Variants in TUBE1 observed in about 807,000 individuals in gnomAD.
TUBE1 encodes tubulin epsilon chain.
In TUBE1, 34 loss-of-function variants were observed where a neutral mutation model predicts 53.5. The observed-to-expected ratio is 0.64, with a 90% confidence interval of 0.48 to 0.85. The LOEUF (loss-of-function observed/expected upper bound fraction) is 0.85. Ranked by LOEUF, TUBE1 falls within the 40% of genes least tolerant of loss-of-function variation. The pLI, the probability that TUBE1 is intolerant of heterozygous loss-of-function variation, is 0.00. For missense variants in TUBE1, 532 were observed against 570.5 expected (o/e 0.93, Z 0.69); for synonymous variants, 177 against 198.4 (o/e 0.89, Z 0.91).
In TUBE1 at chr6:112,076,136, G is replaced by A. The variant is rs781940708; in HGVS notation, c.637-24C>T. 1.2e-5 allele frequency: 19 copies of A among 1,599,062 alleles called. No homozygotes were observed. The South Asian group carries it at 2.0e-4, about 17-fold the overall frequency. On this transcript the variant is annotated intron_variant, in intron 7 of 11. Coordinates refer to ENST00000368662, the MANE Select transcript of TUBE1 (RefSeq NM_016262.5). ...GACTTTTGAGGGAAAAACATTGGGA[G>A]AGAAGCTATTAAGAAGAGTGGATGT...
intron 9 of TUBE1, among the ~76,000 whole-genome samples, chr6:112,073,217 G>A (rs1293677667): frequency 6.6e-6 from 1 of 151,950 alleles, no homozygotes; most frequent in South Asian, 2.1e-4. Context: ...TTTGAAACTT[G>A]TATTATTATT....
chr6:112,086,501 C>G, intron 3 of TUBE1, 55 bp downstream of exon 3: 1 of 1,373,330 alleles, frequency 7.3e-7, no homozygotes, highest in Non-Finnish European at 1.0e-6. Context: ...GAATTCTCTC[C>G]CAAGCTACTG....
rs1331581294 is a variant in TUBE1, at chr6:112,075,997, T to C, written c.752A>G (p.His251Arg). The C allele has an allele frequency of 3.1e-6, 5 of 1,613,876 alleles. No individual in the cohort carries two copies. The African/African-American group carries it at 5.3e-5, about 17-fold the overall frequency. The change falls in exon 8 of 12, where the codon CAT (histidine) becomes CGT (arginine). Residue 251 changes from histidine (H) to arginine (R), a missense_variant. Physicochemically the swap from His to Arg is conservative, Grantham distance 29. Transcript: ENST00000368662. ...ATTCATTGCATCAAAGGGCTTCTTA[T>C]GCTGCTTTTTTAAAGCCCCAGAACT... Reference protein sequence around the residue: ...TSSSGALKKQHKKPFDAMNNI... With the variant: ...TSSSGALKKQRKKPFDAMNNI...
chr6:112,082,614 T>C (rs1353813610), intron 4 of TUBE1, among the ~76,000 whole-genome samples: 1 of 152,202 alleles, frequency 6.6e-6, no homozygotes, highest in Non-Finnish European at 1.5e-5. Flanking sequence ...TCCTGACATA[T>C]AACTCTTCCA....
chr6:112,085,492 T>C (rs1777134327), intron 3 of TUBE1: 1 of 341,248 alleles, frequency 2.9e-6, no homozygotes, highest in Admixed American at 3.8e-5. Context: ...AGTAAAGAGG[T>C]GGGTGTAGGA....
chr6:112,074,930 G>A, intron 8 of TUBE1, 80 bp from the exon 9 acceptor site: 2 of 1,028,036 alleles, frequency 1.9e-6, no homozygotes, highest in Non-Finnish European at 2.7e-6. Flanking sequence ...TATTCAGCAG[G>A]TAGTTTCTTA....
intron 8 of TUBE1, chr6:112,075,359 T>A (rs921629539): frequency 2.6e-5 from 4 of 152,280 alleles, no homozygotes; most frequent in Admixed American, 1.3e-4. Context: ...GGCCCTACAG[T>A]CATTCTTTCT....
intron 7 of TUBE1, 85 bp downstream of exon 7, chr6:112,076,237 G>C: frequency 3.4e-6 from 5 of 1,467,850 alleles, no homozygotes; most frequent in Non-Finnish European, 4.6e-6. Flanking sequence ...GAAAAGTGAA[G>C]AGAACGTTTC....
At chr6:112,077,629 T>A (rs1554316251) in intron 6 of TUBE1, 1 of 152,148 alleles carries the variant, frequency 6.6e-6, no homozygotes, top group East Asian at 1.9e-4. Flanking sequence ...ACCAATGTTC[T>A]AATCCATGCA....
chr6:112,081,753 AC>A (rs1252770439), intron 4 of TUBE1, among the ~76,000 whole-genome samples: 1 of 151,800 alleles, frequency 6.6e-6, no homozygotes, highest in Non-Finnish European at 1.5e-5. Flanking sequence ...CAGAAAACAT[AC>A]ACTCCTAAGA....
chr6:112,083,425 T>C (rs1157796211), intron 4 of TUBE1, among the ~76,000 whole-genome samples: 2 of 151,784 alleles, frequency 1.3e-5, no homozygotes, highest in African/African-American at 4.8e-5. Context: ...TTCACGCCAT[T>C]TTCCTGCCTC....
chr6:112,081,951 A>T (rs587663148), intron 4 of TUBE1, among the ~76,000 whole-genome samples: 2 of 152,194 alleles, frequency 1.3e-5, no homozygotes, highest in South Asian at 2.1e-4. Context: ...AAAGTAAACT[A>T]AGTAGAGTTA....
chr6:112,072,285 A>G (rs1776882353), intron 10 of TUBE1, among the ~76,000 whole-genome samples: 1 of 152,168 alleles, frequency 6.6e-6, no homozygotes. Context: ...GTAGGGGAAC[A>G]TTAAATTGGC....
chr6:112,087,193 T>C (rs1777176306), intron 2 of TUBE1, 40 bp downstream of exon 2: 3 of 1,536,976 alleles, frequency 2.0e-6, no homozygotes, highest in Non-Finnish European at 2.6e-6. Context: ...CTGGAAGACC[T>C]AGCTGACAGG....
At chr6:112,086,938 G>A (rs1035895797) in intron 2 of TUBE1, 4 of 505,272 alleles carry the variant, frequency 7.9e-6, no homozygotes, top group Non-Finnish European at 1.4e-5. Context: ...AACCACACGT[G>A]TTATCTATTT....
At position 112,070,783 on chromosome 6, in the gene TUBE1, AAT is replaced by A. The variant is rs1776842155; in HGVS notation, c.*627_*628del. On this transcript the variant is annotated 3_prime_UTR_variant, in exon 12 of 12. Transcript: ENST00000368662. The stretch of plus-strand genomic sequence containing the variant: ...ACAATAACAAGTAGCACTGTTGAAA[AAT>A]ATAGACATTTATTATAAAATCAATT... The A allele has an allele frequency of 6.6e-6, 1 of 152,202 alleles. No homozygotes were observed. Among genetic ancestry groups the A allele is most frequent in the African/African-American group, 2.4e-5 (1 of 41,456 alleles). The allele number at this position is 152,202 out of a possible 1,614,324, so 9.4% of individuals were successfully genotyped here. A position where few individuals can be genotyped will look rare whatever the true frequency, so the allele number is the denominator to read the frequency against.
At position 112,075,922 on chromosome 6, in the gene TUBE1, C is replaced by G. The variant is rs1776956817; in HGVS notation, c.812+15G>C. On this transcript the variant is annotated intron_variant, in intron 8 of 11. Coordinates refer to ENST00000368662, the MANE Select transcript of TUBE1 (RefSeq NM_016262.5). ...AGCACAATAAAGTTTTTTGACTATC[C>G]CTGGATAGAATTACCTCGTTAGGTT... The G allele has an allele frequency of 6.3e-7, 1 of 1,583,316 alleles. No individual in the cohort carries two copies. Among genetic ancestry groups the G allele is most frequent in the African/African-American group, 1.4e-5 (1 of 73,872 alleles).
At chr6:112,079,503 C>A in intron 6 of TUBE1, 130 bp downstream of exon 6, 2 of 794,396 alleles carry the variant, frequency 2.5e-6, no homozygotes, top group Non-Finnish European at 3.8e-6. Flanking sequence ...TGTTTATATA[C>A]TCAAACTACA....
chr6:112,076,439 A>C lies in TUBE1; in HGVS notation c.519T>G (p.Phe173Leu). The change falls in exon 7 of 12, where the codon TTT (phenylalanine) becomes TTG (leucine). Residue 173 changes from phenylalanine (F) to leucine (L), a missense_variant. Transcript: ENST00000368662. The stretch of plus-strand genomic sequence containing the variant: ...CACCAGAAGGATAAATGGAAGTCAC[A>C]AATCTGTATACTTCTGGGAATTCGT... The part of the protein sequence containing the change: ...LEDEFPEVYR[F>L]VTSIYPSGED... 6.2e-7 allele frequency: 1 copy of C among 1,613,698 alleles called. No individual in the cohort carries two copies. The highest frequency in any genetic ancestry group is 8.5e-7 in the Non-Finnish European group (1 of 1,179,778).
Sources: allele counts gnomAD v4.1 joint callset (sites outside exome capture counted in the v4.1 genomes callset), GRCh38; gene constraint gnomAD v4.1.1; transcripts MANE v1.5; gene names NCBI Gene and HGNC (gene_info 2026-07-23, HGNC 2026-07-21).